WDR27: variants seen among roughly 807,000 people sequenced by gnomAD.
WDR27 encodes WD repeat-containing protein 27.
A neutral mutation model predicts 114.4 loss-of-function variants in WDR27; 100 were observed. That is an observed-to-expected ratio of 0.87 (90% CI 0.74 to 1.03). WDR27 has a LOEUF of 1.03. Among genes scored for constraint, WDR27 ranks in the 50% least tolerant of loss-of-function variants. The probability of loss-of-function intolerance (pLI) is 0.00; values close to 1 mark genes in which losing one functional copy is unlikely to be tolerated. For missense variants in WDR27, 1,129 were observed against 1,092.9 expected (o/e 1.03, Z -0.47); for synonymous variants, 449 against 423.1 (o/e 1.06, Z -0.75).
At chr6:169,573,040 G>A (rs1487188230) in intron 24 of WDR27, among the ~76,000 whole-genome samples, 2 of 152,064 alleles carry the variant, frequency 1.3e-5, no homozygotes, top group African/African-American at 4.8e-5. Flanking sequence ...CCACCCTGCA[G>A]ACCTTCCCTC....
At chr6:169,700,804 G>A (rs1310653046) in intron 1 of WDR27, among the ~76,000 whole-genome samples, 1 of 152,228 alleles carries the variant, frequency 6.6e-6, no homozygotes, top group African/African-American at 2.4e-5. Context: ...TTTAAACAAT[G>A]CAGAAATAAT....
chr6:169,667,572 A>G (rs1187855587), intron 5 of WDR27, among the ~76,000 whole-genome samples: 2 of 152,226 alleles, frequency 1.3e-5, no homozygotes, highest in Non-Finnish European at 1.5e-5. Context: ...TGTCAGGCGC[A>G]CACTGATGTC....
chr6:169,456,143 G>C (rs1245363383), downstream of WDR27, among the ~76,000 whole-genome samples: 1 of 152,006 alleles, frequency 6.6e-6, no homozygotes. The surrounding 1 kb of genome is among the most constrained non-coding windows in gnomAD (Gnocchi z 4.0). Context: ...TTTTAACCAA[G>C]GGGAAACAAT....
At chr6:169,564,757 T>C (rs1016129316) in intron 25 of WDR27, among the ~76,000 whole-genome samples, 3 of 152,038 alleles carry the variant, frequency 2.0e-5, no homozygotes, top group Non-Finnish European at 2.9e-5. Flanking sequence ...ACTTCTCTTC[T>C]AGCACTGGAA....
At chr6:169,634,705 C>T (rs1817249277) in intron 19 of WDR27, among the ~76,000 whole-genome samples, 180 bp from the exon 20 acceptor site, 1 of 151,998 alleles carries the variant, frequency 6.6e-6, no homozygotes, top group South Asian at 2.1e-4. Context: ...GAAAAAAAAC[C>T]TGTTTTTCTA....
At chr6:169,654,713 CAGG>C (rs965774000) in intron 13 of WDR27, among the ~76,000 whole-genome samples, 173 of 150,070 alleles carry the variant, frequency 1.2e-3, no homozygotes, top group African/African-American at 4.0e-3. Flanking sequence ...GAGGCGCGCA[CAGG>C]AGAAGGAGGC....
intron 25 of WDR27, among the ~76,000 whole-genome samples, chr6:169,499,054 T>G (rs764279944): frequency 6.6e-6 from 1 of 152,226 alleles, no homozygotes; most frequent in Non-Finnish European, 1.5e-5. Flanking sequence ...CTCAGAAATA[T>G]GAGCAGTGTC....
chr6:169,527,647 T>C (rs1057102044), intron 25 of WDR27, among the ~76,000 whole-genome samples: 1 of 152,162 alleles, frequency 6.6e-6, no homozygotes, highest in Non-Finnish European at 1.5e-5. Flanking sequence ...TTAATAAAAA[T>C]ATCTAATAGA....
chr6:169,602,183 A>C, intron 23 of WDR27, 36 bp downstream of exon 23: 3 of 1,470,176 alleles, frequency 2.0e-6, no homozygotes, highest in South Asian at 2.6e-5. Context: ...CAAAGTCTAG[A>C]CTCTCTACAT....
At chr6:169,574,460 A>G (rs899044941) in intron 24 of WDR27, among the ~76,000 whole-genome samples, 2 of 152,228 alleles carry the variant, frequency 1.3e-5, no homozygotes, top group African/African-American at 2.4e-5. Context: ...AAAACAAGTC[A>G]TGGAATCTGT....
chr6:169,635,601 C>G (rs1338246810), intron 19 of WDR27, among the ~76,000 whole-genome samples: 1 of 152,182 alleles, frequency 6.6e-6, no homozygotes, highest in Non-Finnish European at 1.5e-5. Flanking sequence ...CCTTGCAAGC[C>G]CATCTATCAG....
rs777651924 is a variant in WDR27, at chr6:169,634,464, T to C, written c.2065A>G (p.Met689Val). The change falls in exon 20 of 26, where the codon ATG becomes GTG. Residue 689 changes from methionine (M) to valine (V), a missense_variant. By Grantham distance (21) the Met-to-Val change is conservative. Coordinates refer to ENST00000448612, the MANE Select transcript of WDR27 (RefSeq NM_182552.5). ...CRLSTTGAVD[M>V]TSLSAVNDFY... ...TCGTTGACTGCCGATAAACTGGTCA[T>C]GTCTACTGCACCCGTCGTGGAGAGC... 3.7e-6 allele frequency: 6 copies of C among 1,613,438 alleles called. No homozygotes were observed. In the East Asian group the frequency reaches 6.7e-5, roughly 18 times the overall value.
chr6:169,656,632 G>A (rs961386441), intron 13 of WDR27, among the ~76,000 whole-genome samples: 2 of 151,970 alleles, frequency 1.3e-5, no homozygotes, highest in Non-Finnish European at 2.9e-5. Context: ...GGAGGAAGGA[G>A]CCAAGAAGGC....
At chr6:169,530,552 C>A (rs548435186) in intron 25 of WDR27, among the ~76,000 whole-genome samples, 1 of 152,330 alleles carries the variant, frequency 6.6e-6, no homozygotes, top group South Asian at 2.1e-4. Flanking sequence ...TAAATGGCCT[C>A]AACTGTATGA....
At chr6:169,633,284 G>T (rs901672047) in intron 20 of WDR27, among the ~76,000 whole-genome samples, 2 of 152,198 alleles carry the variant, frequency 1.3e-5, no homozygotes, top group African/African-American at 4.8e-5. Context: ...GGACGGGGGT[G>T]GGGGAGGGCT....
chr6:169,612,202 C>T lies in WDR27; in HGVS notation c.2321+1357G>A, dbSNP rs1005349570. On this transcript the variant is annotated intron_variant, in intron 22 of 25. Transcript: ENST00000448612. Reference sequence around the variant, plus strand: ...ATCCCAGCACTTTGGGAGGCCAAGGCGGGCAGATCATGAGGTCAGGAGATC... The same window carrying T: ...ATCCCAGCACTTTGGGAGGCCAAGGTGGGCAGATCATGAGGTCAGGAGATC... Among the ~76,000 whole-genome samples, 6 of 151,356 alleles carry T rather than the reference C, an allele frequency of 4.0e-5. 1 individual carries two copies. In the Middle Eastern group the frequency reaches 0.014, roughly 346 times the overall value.
intron 21 of WDR27, among the ~76,000 whole-genome samples, chr6:169,626,435 G>C (rs1319918707): frequency 6.6e-6 from 1 of 152,162 alleles, no homozygotes; most frequent in African/African-American, 2.4e-5. Flanking sequence ...CCTTCTCTGG[G>C]CCACACAGTG....
chr6:169,460,476 C>T (rs1212389035), intron 25 of WDR27, among the ~76,000 whole-genome samples: 1 of 151,828 alleles, frequency 6.6e-6, no homozygotes, highest in Admixed American at 6.6e-5. Context: ...GAAGCATTTA[C>T]CTAAAAAATT....
the WDR27 span, among the ~76,000 whole-genome samples, chr6:169,443,786 G>A: frequency 3.3e-5 from 5 of 152,160 alleles, no homozygotes; most frequent in African/African-American, 1.2e-4. Flanking sequence ...AGCAGGGGCA[G>A]CTGCCTCCAA....
Sources: gnomAD v4.1 joint callset for allele counts (sites outside exome capture counted in the v4.1 genomes callset) on GRCh38, gnomAD v4.1.1 for gene constraint, Gnocchi (gnomAD v3.1) non-coding constraint, MANE v1.5 for transcripts, NCBI Gene and HGNC (gene_info 2026-07-23, HGNC 2026-07-21) for gene names.